Variants in UHRF2 observed in about 807,000 individuals in gnomAD.
UHRF2 encodes the protein E3 ubiquitin-protein ligase UHRF2.
In UHRF2, 23 loss-of-function variants were observed where a neutral mutation model predicts 96.8. The ratio of observed to expected loss-of-function variants is 0.24; its 90% CI spans 0.17 to 0.34. The LOEUF is 0.34. UHRF2 is among the 10% of genes least tolerant of loss of function. The pLI is 1.00. For missense variants in UHRF2, 685 were observed against 981.5 expected (o/e 0.70, Z 4.04); for synonymous variants, 385 against 332.6 (o/e 1.16, Z -1.72).
intron 9 of UHRF2, among the ~76,000 whole-genome samples, chr9:6,488,384 C>T (rs959058834): frequency 2.1e-5 from 3 of 144,966 alleles, no homozygotes; most frequent in Non-Finnish European, 3.0e-5. Flanking sequence ...AGTACAATAT[C>T]AGAACCAGGA....
chr9:6,423,949 AAAAT>A (rs139097155), intron 2 of UHRF2, among the ~76,000 whole-genome samples: 50 of 151,614 alleles, frequency 3.3e-4, no homozygotes, highest in African/African-American at 9.9e-4. Flanking sequence ...AGTATCAAAA[AAAAT>A]AAATAAATAA....
chr9:6,479,935 C>T lies in UHRF2; in HGVS notation c.1161-1708C>T, dbSNP rs189535908. ...AGACTCTTTGCTTCCATGTACTATC[C>T]GTTCTCCCATAGCAGCAGAATGAGC... On this transcript the variant is annotated intron_variant, in intron 6 of 15. Coordinates refer to ENST00000276893, the MANE Select transcript of UHRF2 (RefSeq NM_152896.3). 1.6e-3 allele frequency among the ~76,000 whole-genome samples: 249 copies of T among 152,196 alleles called. 1 individual carries two copies. The highest frequency in any genetic ancestry group is 2.9e-3 in the Non-Finnish European group (196 of 68,010).
intron 2 of UHRF2, among the ~76,000 whole-genome samples, chr9:6,433,053 C>G (rs1297723892): frequency 6.6e-6 from 1 of 152,136 alleles, no homozygotes; most frequent in African/African-American, 2.4e-5. Flanking sequence ...GTTGGCCAGG[C>G]TGGTCTTGAC....
chr9:6,467,869 G>T (rs1011177956), intron 4 of UHRF2, among the ~76,000 whole-genome samples: 9 of 151,812 alleles, frequency 5.9e-5, no homozygotes, highest in South Asian at 2.1e-4. Context: ...ATACCCAGTG[G>T]CAGTATTGAA....
Position 6,434,165 on chromosome 9 carries a change from G to A in UHRF2, c.636G>A (p.Gln212=). ...AADEDVIYHI[Q]YDEYPESGTL... ...ATGAAGACGTTATTTACCATATCCA[G>A]TATGATGAGTAAGTGCTCAAGCTAT... Residue 212 remains glutamine, a synonymous_variant, in exon 3 of 16, where the codon CAG becomes CAA. Transcript: ENST00000276893. 1 of 1,611,282 alleles carries A rather than the reference G, an allele frequency of 6.2e-7. No homozygotes were observed. The highest frequency in any genetic ancestry group is 8.5e-7 in the Non-Finnish European group (1 of 1,178,056).
intron 9 of UHRF2, among the ~76,000 whole-genome samples, chr9:6,489,208 C>T (rs1824504975): frequency 6.6e-6 from 1 of 152,178 alleles, no homozygotes; most frequent in African/African-American, 2.4e-5. Flanking sequence ...TTCCACTCAG[C>T]ATGATTCTCT....
At chr9:6,419,021 T>C (rs903118955) in intron 1 of UHRF2, among the ~76,000 whole-genome samples, 1 of 152,170 alleles carries the variant, frequency 6.6e-6, no homozygotes, top group Non-Finnish European at 1.5e-5. Flanking sequence ...GCTGCATCTT[T>C]CCAAATGTCC....
chr9:6,445,981 C>CTTTGTTTTTTTTTT (rs751155835), intron 3 of UHRF2, among the ~76,000 whole-genome samples: 23 of 78,902 alleles, frequency 2.9e-4, no homozygotes, highest in African/African-American at 9.4e-4. Flanking sequence ...CCCCGCCACC[C>CTTTGTTTTTTTTTT]TTTTTTTTTT....
intron 4 of UHRF2, 42 bp from the exon 5 acceptor site, chr9:6,475,349 A>AT: frequency 7.7e-7 from 1 of 1,301,940 alleles, no homozygotes. Flanking sequence ...TATACCTTAG[A>AT]TTTTGCTGGC....
intron 9 of UHRF2, among the ~76,000 whole-genome samples, chr9:6,487,910 A>G (rs945092092): frequency 1.1e-4 from 17 of 152,090 alleles, no homozygotes; most frequent in African/African-American, 4.1e-4. Flanking sequence ...TAAACTTACT[A>G]TTTTGAGATA....
intron 4 of UHRF2, among the ~76,000 whole-genome samples, chr9:6,471,563 G>A (rs976926806): frequency 3.9e-5 from 6 of 152,178 alleles, no homozygotes. Context: ...AGGGAAGCCA[G>A]TTGCATGTGA....
At chr9:6,441,983 C>G (rs897674511) in intron 3 of UHRF2, among the ~76,000 whole-genome samples, 2 of 152,054 alleles carry the variant, frequency 1.3e-5, no homozygotes, top group African/African-American at 4.8e-5. Context: ...GTTCCGAGAT[C>G]TAAGGTTTTT....
chr9:6,420,654 C>T (rs1819876339), intron 1 of UHRF2, among the ~76,000 whole-genome samples: 1 of 150,972 alleles, frequency 6.6e-6, no homozygotes, highest in Non-Finnish European at 1.5e-5. Flanking sequence ...TTGCAGTGAG[C>T]CAAGATCGTG....
intron 4 of UHRF2, among the ~76,000 whole-genome samples, chr9:6,469,733 C>CGT (rs996961623): frequency 1.8e-4 from 27 of 146,530 alleles, no homozygotes; most frequent in Non-Finnish European, 3.3e-4. Flanking sequence ...TGCATATATA[C>CGT]GTGTATATAT....
At chr9:6,487,815 T>C (rs1274085219) in intron 9 of UHRF2, among the ~76,000 whole-genome samples, 1 of 152,224 alleles carries the variant, frequency 6.6e-6, no homozygotes, top group Non-Finnish European at 1.5e-5. Context: ...ATAGAGCTTT[T>C]TTTGGTCATT....
At position 6,504,614 on chromosome 9, in the gene UHRF2, C is replaced by G; in HGVS notation, c.2185C>G (p.Gln729Glu). 1.2e-6 allele frequency: 2 copies of G among 1,613,294 alleles called. No homozygotes were observed. The highest frequency in any genetic ancestry group is 1.7e-6 in the Non-Finnish European group (2 of 1,179,572). ...CTAGAATTTTCTGAAAAAATTGGAA[C>G]AATCTTTTATGTGCGTTTGCTGTCA... is the stretch of plus-strand genomic sequence containing the variant. ...EGPNFLKKLE[Q>E]SFMCVCCQEL... The change falls in exon 15 of 16, where the codon CAA becomes GAA. Residue 729 changes from glutamine to glutamate, a missense_variant. Physicochemically the swap from Gln to Glu is conservative, Grantham distance 29. This residue lies in a region of UHRF2 where 71 missense variants were observed against 114.1 expected (regional missense o/e 0.62). Transcript: ENST00000276893.
At chr9:6,497,855 G>A (rs1051028092) in intron 11 of UHRF2, among the ~76,000 whole-genome samples, 163 bp from the exon 12 acceptor site, 3 of 152,160 alleles carry the variant, frequency 2.0e-5, no homozygotes, top group Non-Finnish European at 2.9e-5. Context: ...AGGAATTAAG[G>A]TCAAAACTGT....
chr9:6,499,566 G>A (rs1825155741), intron 12 of UHRF2: 1 of 218,708 alleles, frequency 4.6e-6, no homozygotes, highest in African/African-American at 2.3e-5. Context: ...CACAACTCCT[G>A]AAGACTTACC....
At chr9:6,424,147 A>G (rs1820102783) in intron 2 of UHRF2, among the ~76,000 whole-genome samples, 2 of 152,208 alleles carry the variant, frequency 1.3e-5, no homozygotes. Flanking sequence ...TGTAAATATT[A>G]GAGAAGGCAA....
Sources: gnomAD v4.1 joint callset for allele counts (sites outside exome capture counted in the v4.1 genomes callset) on GRCh38, gnomAD v4.1.1 for gene constraint, gnomAD v4.1.1 regional missense constraint, MANE v1.5 for transcripts, NCBI Gene and HGNC (gene_info 2026-07-23, HGNC 2026-07-21) for gene names.